The following CMIP variants were observed in gnomAD, a reference collection of about 807,000 sequenced individuals.
CMIP encodes c-Maf inducing protein.
Under a neutral mutation model 97.3 loss-of-function variants are expected in CMIP, and 13 were observed. The observed-to-expected ratio is 0.13, with a 90% CI of 0.09 to 0.21. The LOEUF is 0.21. Ranked by LOEUF, CMIP falls within the 10% of genes least tolerant of loss-of-function variation. CMIP has a pLI of 1.00. For missense variants in CMIP, 847 were observed against 1,024.9 expected, an observed-to-expected ratio of 0.83 and a Z score of 2.37; for synonymous variants, 538 against 436.3, an observed-to-expected ratio of 1.23 and a Z score of -2.91.
intron 3 of CMIP, among the ~76,000 whole-genome samples, chr16:81,624,441 G>A (rs2092032898): frequency 6.7e-6 from 1 of 149,458 alleles, no homozygotes; most frequent in African/African-American, 2.5e-5. Flanking sequence ...TCTCCTGTAT[G>A]TAAAGAATGC....
At chr16:81,603,510 G>A in intron 1 of CMIP, 1 of 449,896 alleles carries the variant, frequency 2.2e-6, no homozygotes, top group East Asian at 7.0e-5. Context: ...TTAGTCTGTG[G>A]GCTGCGTTTG....
chr16:81,696,879 TTG>T, intron 14 of CMIP: 1 of 591,544 alleles, frequency 1.7e-6, no homozygotes, highest in Non-Finnish European at 3.0e-6. Context: ...AGCCAAGCAC[TTG>T]GCTTTCCCAG....
At chr16:81,589,977 T>C (rs758268065) in intron 1 of CMIP, among the ~76,000 whole-genome samples, 2 of 152,136 alleles carry the variant, frequency 1.3e-5, no homozygotes, top group African/African-American at 2.4e-5. Context: ...GGGGGATGGA[T>C]TGATGGGGCA....
Position 81,640,525 on chromosome 16 carries a change from C to T in CMIP, c.478-11678C>T, listed in dbSNP as rs150630715. Among the ~76,000 whole-genome samples the T allele has an allele frequency of 1.8e-3, 269 of 152,268 alleles. 4 individuals carry two copies. The highest frequency in any genetic ancestry group is 6.2e-3 in the African/African-American group (256 of 41,550). On this transcript the variant is annotated intron_variant, in intron 3 of 20. Coordinates refer to ENST00000537098, the MANE Select transcript of CMIP (RefSeq NM_198390.3). ...TCCAACAGCTGCTATGACAAATTTC[C>T]GTAAACTGTGTTGCTTAAAACAACA... is the stretch of plus-strand genomic sequence containing the variant.
chr16:81,691,763 C>T lies in CMIP; in HGVS notation c.1389-12C>T. The T allele has an allele frequency of 6.2e-7, 1 of 1,613,064 alleles. No homozygotes were observed. Among genetic ancestry groups the T allele is most frequent in the Non-Finnish European group, 8.5e-7 (1 of 1,179,178 alleles). On this transcript the variant is annotated splice_polypyrimidine_tract_variant and intron_variant, in intron 10 of 20. Coordinates refer to ENST00000537098, the MANE Select transcript of CMIP (RefSeq NM_198390.3). ...CCCAACCAAAGCTGACTGTCACCCT[C>T]TCTCATTCTAGGTCAGACTATGATG...
At chr16:81,643,956 C>A (rs2092334854) in intron 3 of CMIP, among the ~76,000 whole-genome samples, 1 of 152,056 alleles carries the variant, frequency 6.6e-6, no homozygotes, top group Non-Finnish European at 1.5e-5. Flanking sequence ...TGGTAAAGCC[C>A]CTGTGTGATT....
intron 1 of CMIP, among the ~76,000 whole-genome samples, chr16:81,580,200 A>T (rs1235821456): frequency 6.6e-6 from 1 of 152,112 alleles, no homozygotes; most frequent in East Asian, 1.9e-4. Context: ...AGCAGCTGTG[A>T]TGTAGGGCCT....
intron 1 of CMIP, among the ~76,000 whole-genome samples, chr16:81,525,074 G>A (rs2090104337): frequency 6.6e-6 from 1 of 151,934 alleles, no homozygotes; most frequent in Admixed American, 6.5e-5. Flanking sequence ...GGGATTACAG[G>A]CATGAGCCAC....
intron 14 of CMIP, chr16:81,696,990 C>A (rs1051907707): frequency 7.8e-6 from 3 of 386,398 alleles, no homozygotes; most frequent in African/African-American, 2.1e-5. Context: ...TGCCTAAGGT[C>A]ACACAGTTCA....
chr16:81,534,291 G>C (rs2090299055), intron 1 of CMIP, among the ~76,000 whole-genome samples: 1 of 152,204 alleles, frequency 6.6e-6, no homozygotes, highest in South Asian at 2.1e-4. Flanking sequence ...CTCATTCACT[G>C]CCCTCATTTT....
chr16:81,598,968 CAAAAAAA>C (rs141717317), intron 1 of CMIP, among the ~76,000 whole-genome samples: 845 of 49,848 alleles, frequency 0.017, 15 homozygotes, highest in Admixed American at 0.026. Flanking sequence ...GACTCTGTCT[CAAAAAAA>C]AAAAAAAAAA....
chr16:81,451,941 A>G (rs1230419152), intron 1 of CMIP, among the ~76,000 whole-genome samples: 1 of 152,134 alleles, frequency 6.6e-6, no homozygotes, highest in South Asian at 2.1e-4. Flanking sequence ...ACCGAGGGAG[A>G]CTGTGCGCAT....
At chr16:81,553,268 C>G (rs977448426) in intron 1 of CMIP, among the ~76,000 whole-genome samples, 2 of 152,224 alleles carry the variant, frequency 1.3e-5, no homozygotes, top group Non-Finnish European at 2.9e-5. Context: ...TTCCTGCGTC[C>G]TGGCCTGGGC....
intron 15 of CMIP, 40 bp downstream of exon 15, chr16:81,699,841 C>A: frequency 7.2e-7 from 1 of 1,389,378 alleles, no homozygotes; most frequent in South Asian, 1.2e-5. Context: ...GTGGCTGGCT[C>A]CCCGTCCCTT....
chr16:81,703,881 C>G, intron 17 of CMIP, 58 bp from the exon 18 acceptor site: 1 of 1,541,392 alleles, frequency 6.5e-7, no homozygotes, highest in Non-Finnish European at 8.7e-7. Context: ...GATAGGAGGG[C>G]TCAGGGTCTC....
At chr16:81,598,610 C>G (rs2091603412) in intron 1 of CMIP, among the ~76,000 whole-genome samples, 1 of 152,170 alleles carries the variant, frequency 6.6e-6, no homozygotes, top group African/African-American at 2.4e-5. Flanking sequence ...AGCCTCATTA[C>G]TTTTACTTTA....
At chr16:81,553,675 G>A (rs554008816) in intron 1 of CMIP, among the ~76,000 whole-genome samples, 55 of 152,336 alleles carry the variant, frequency 3.6e-4, no homozygotes, top group South Asian at 8.3e-4. Flanking sequence ...AGCTTCACAC[G>A]CACCTCTCTT....
chr16:81,706,669 G>A (rs559212165), intron 19 of CMIP, among the ~76,000 whole-genome samples: 1 of 152,342 alleles, frequency 6.6e-6, no homozygotes, highest in East Asian at 1.9e-4. Flanking sequence ...ACCATCCGGG[G>A]TTCCCTTAGT....
intron 10 of CMIP, among the ~76,000 whole-genome samples, chr16:81,685,258 G>A (rs1332284260): frequency 5.9e-5 from 9 of 152,288 alleles, no homozygotes; most frequent in African/African-American, 1.7e-4. Flanking sequence ...GCCAGGAAGC[G>A]GAGCCCCAGG....
Sources: gnomAD v4.1 joint callset for allele counts (sites outside exome capture counted in the v4.1 genomes callset) on GRCh38, gnomAD v4.1.1 for gene constraint, MANE v1.5 for transcripts, NCBI Gene and HGNC (gene_info 2026-07-23, HGNC 2026-07-21) for gene names.